Variants in ROGDI observed in about 807,000 individuals in gnomAD.
ROGDI encodes protein rogdi homolog.
A neutral mutation model predicts 43.1 loss-of-function variants in ROGDI; 46 were observed. That is an observed-to-expected ratio of 1.07 (90% CI 0.84 to 1.37). The LOEUF (loss-of-function observed/expected upper bound fraction) is 1.37, where lower values mean the gene tolerates loss of function less well. Ranked by LOEUF, ROGDI falls within the 40% of genes most tolerant of loss-of-function variation. ROGDI has a pLI of 0.00. For synonymous variants in ROGDI, 243 were observed against 162.0 expected (o/e 1.50, Z -3.80); for missense variants, 518 against 383.9 (o/e 1.35, Z -2.92).
chr16:4,802,225 G>C (rs1376905961), intron 2 of ROGDI, 157 bp downstream of exon 2: 1 of 704,080 alleles, frequency 1.4e-6, no homozygotes, highest in East Asian at 2.9e-5. Context: ...CTTATATAAT[G>C]AGGTCGGCTC....
chr16:4,798,090 A>C lies in ROGDI; in HGVS notation c.626T>G (p.Leu209Arg), dbSNP rs753630797. ...CCTCACCTTGGTGGAGTTGGGCTGC[A>C]GGGCATGCAGCTGGTACACCGTGAG... is the stretch of plus-strand genomic sequence containing the variant. ...LCLTVYQLHA[L>R]QPNSTKNFRP... Residue 209 changes from leucine to arginine, a missense_variant, in exon 8 of 11, where the codon CTG becomes CGG. Transcript: ENST00000322048. The C allele has an allele frequency of 6.2e-7, 1 of 1,613,968 alleles. No individual in the cohort carries two copies. The highest frequency in any genetic ancestry group is 8.5e-7 in the Non-Finnish European group (1 of 1,179,906).
Position 4,798,556 on chromosome 16 carries a change from C to T in ROGDI, c.531+13G>A, listed in dbSNP as rs756641383. ...ACCCCTCTCCTGCAGCAGGGGCTGG[C>T]AGGGGCACTGACCGTGAGGCCGCTG... On this transcript the variant is annotated intron_variant, in intron 7 of 10. Coordinates refer to ENST00000322048, the MANE Select transcript of ROGDI (RefSeq NM_024589.3). The T allele has an allele frequency of 9.7e-6, 15 of 1,538,602 alleles. No homozygotes were observed. The highest frequency in any genetic ancestry group is 8.2e-5 in the Admixed American group (4 of 48,750).
chr16:4,799,146 C>G (rs149743055), intron 6 of ROGDI, among the ~76,000 whole-genome samples: 1 of 152,124 alleles, frequency 6.6e-6, no homozygotes, highest in Non-Finnish European at 1.5e-5. Flanking sequence ...CTGGCAGACT[C>G]CTCAGAGCCC....
At chr16:4,802,000 G>C (rs976877191) in intron 2 of ROGDI, 2 of 578,422 alleles carry the variant, frequency 3.5e-6, no homozygotes, top group Non-Finnish European at 3.3e-6. Context: ...CTCGCGAAGC[G>C]GGTACTGTTA....
rs192083183 is a variant in ROGDI at position 4,798,912 on chromosome 16, G to A, written c.433-245C>T. The A allele has an allele frequency of 4.1e-5, 22 of 534,886 alleles. No individual in the cohort carries two copies. In the African/African-American group the frequency reaches 4.1e-4, roughly 10 times the overall value. 33.1% of individuals were successfully genotyped at this position (534,886 alleles called of 1,614,324 possible). ...CACTGCACGGGGATCCTGGGTGCTG[G>A]ATCAATGGGGAATGGAAGGTCCTGG... On this transcript the variant is annotated intron_variant, in intron 6 of 10. Coordinates refer to ENST00000322048, the MANE Select transcript of ROGDI (RefSeq NM_024589.3).
In ROGDI at chr16:4,797,391, G is replaced by A. The variant is rs771338314; in HGVS notation, c.*69C>T. 11 of 1,446,590 alleles carry A rather than the reference G, an allele frequency of 7.6e-6. No homozygotes were observed. In the South Asian group the frequency reaches 8.6e-5, roughly 11 times the overall value. The allele number at this position is 1,446,590 out of a possible 1,614,324, so 89.6% of individuals were successfully genotyped here. On this transcript the variant is annotated 3_prime_UTR_variant, in exon 11 of 11. Coordinates refer to ENST00000322048, the MANE Select transcript of ROGDI (RefSeq NM_024589.3). The stretch of plus-strand genomic sequence containing the variant: ...TAGCAGCCTGGCGTTGGCACTGGCT[G>A]GTGCTCTGTGGTGGGTATGAGTAGG...
chr16:4,797,851 TGA>T lies in ROGDI; in HGVS notation c.696-13_696-12del. ...TGAGAGCCCCACTCGCTGTGGGCAG[TGA>T]GAGGGTCCCTGAGGAGGGTCCCGGC... On this transcript the variant is annotated splice_polypyrimidine_tract_variant and intron_variant, in intron 9 of 10. Transcript: ENST00000322048. 1 of 1,610,478 alleles carries T rather than the reference TGA, an allele frequency of 6.2e-7. No homozygotes were observed. Among genetic ancestry groups the T allele is most frequent in the Non-Finnish European group, 8.5e-7 (1 of 1,179,496 alleles).
Position 4,798,125 on chromosome 16 carries a change from G to A in ROGDI, c.591C>T (p.Asn197=), listed in dbSNP as rs551129970. The change falls in exon 8 of 11, where the codon AAC becomes AAT. Residue 197 remains asparagine (N), a synonymous_variant. Coordinates refer to ENST00000322048, the MANE Select transcript of ROGDI (RefSeq NM_024589.3). The part of the protein sequence containing the change: ...DLLVNVYINL[N]KLCLTVYQLH... ...GCTGGTACACCGTGAGGCAGAGCTT[G>A]TTGAGGTTGATGTAGACGTTGACCA... 2 of 1,614,062 alleles carry A rather than the reference G, an allele frequency of 1.2e-6. No homozygotes were observed. The highest frequency in any genetic ancestry group is 2.2e-5 in the South Asian group (2 of 91,090).
chr16:4,799,881 C>T (rs2082696073), intron 5 of ROGDI, 100 bp from the exon 6 acceptor site: 7 of 819,580 alleles, frequency 8.5e-6, no homozygotes, highest in Middle Eastern at 4.6e-4. Flanking sequence ...CCACTCTCCA[C>T]ACTGTCATCC....
In ROGDI at chr16:4,801,319, G is replaced by A. The variant is rs1180645120; in HGVS notation, c.203C>T (p.Thr68Ile). Residue 68 changes from threonine (T) to isoleucine (I), a missense_variant and splice_region_variant, in exon 4 of 11, where the codon ACA becomes ATA. Physicochemically the swap from Thr to Ile is moderately conservative, Grantham distance 89. Transcript: ENST00000322048. ...QENFILGSCG[T>I]DQVKGVLTLQ... ...AGTCAGCACACCCTTCACCTGGTCT[G>A]TGCTGTAACATGTGGCGTCAGAGCG... 6.2e-7 allele frequency: 1 copy of A among 1,606,136 alleles called. No individual in the cohort carries two copies. The highest frequency in any genetic ancestry group is 8.5e-7 in the Non-Finnish European group (1 of 1,174,346).
At chr16:4,800,445 CCTG>C (rs2082700986) in intron 5 of ROGDI, 50 bp downstream of exon 5, 1 of 1,436,410 alleles carries the variant, frequency 7.0e-7, no homozygotes, top group African/African-American at 1.4e-5. Flanking sequence ...CCGCGGCAGG[CCTG>C]CTGCCGCCTG....
rs751803408 is a variant in ROGDI, at chr16:4,798,530, G to A, written c.531+39C>T. 5 of 1,468,664 alleles carry A rather than the reference G, an allele frequency of 3.4e-6. No individual in the cohort carries two copies. In the East Asian group the frequency reaches 1.2e-4, roughly 35 times the overall value. The allele number at this position is 1,468,664 out of a possible 1,614,324, so 91.0% of individuals were successfully genotyped here. On this transcript the variant is annotated intron_variant, in intron 7 of 10. Coordinates refer to ENST00000322048, the MANE Select transcript of ROGDI (RefSeq NM_024589.3). Reference sequence around the variant, plus strand: ...GAGGGCAAGCTGGGACCCACTGTGGGACCCCTCTCCTGCAGCAGGGGCTGG... The same window carrying A: ...GAGGGCAAGCTGGGACCCACTGTGGAACCCCTCTCCTGCAGCAGGGGCTGG...
chr16:4,799,530 C>T (rs1354184285), intron 6 of ROGDI, among the ~76,000 whole-genome samples, 156 bp downstream of exon 6: 3 of 152,126 alleles, frequency 2.0e-5, no homozygotes, highest in Non-Finnish European at 4.4e-5. Flanking sequence ...CCAGCTTGCC[C>T]CTGACCCCAC....
chr16:4,802,164 A>G (rs963408653), intron 2 of ROGDI: 3 of 653,158 alleles, frequency 4.6e-6, no homozygotes, highest in South Asian at 1.5e-5. Context: ...GGCGGGACTC[A>G]GGCCCTTGCT....
chr16:4,801,986 C>T (rs1015783664), intron 2 of ROGDI: 2 of 579,644 alleles, frequency 3.5e-6, no homozygotes, highest in South Asian at 3.1e-5. Context: ...ATCTACACCC[C>T]AGCCTCGCGA....
At chr16:4,798,028 G>A (rs372237238) in intron 8 of ROGDI, 41 bp from the exon 9 acceptor site, 33 of 1,613,268 alleles carry the variant, frequency 2.0e-5, no homozygotes, top group Non-Finnish European at 2.6e-5. Flanking sequence ...CTTGCAGGGC[G>A]TGTGCATGGC....
In ROGDI at chr16:4,801,901, T is replaced by C. The variant is rs767772960; in HGVS notation, c.118-316A>G. 1.2e-5 allele frequency: 7 copies of C among 565,806 alleles called. No individual in the cohort carries two copies. The Admixed American group carries it at 1.3e-4, about 10-fold the overall frequency. 35.0% of individuals were successfully genotyped at this position (565,806 alleles called of 1,614,324 possible). On this transcript the variant is annotated intron_variant, in intron 2 of 10. Coordinates refer to ENST00000322048, the MANE Select transcript of ROGDI (RefSeq NM_024589.3). Reference sequence around the variant, plus strand: ...GGGGCAGAGTCAGGGAACAAGGCAGTAGTTATGGTAACCCGCGGTCCTGGG... The same window carrying C: ...GGGGCAGAGTCAGGGAACAAGGCAGCAGTTATGGTAACCCGCGGTCCTGGG...
intron 4 of ROGDI, chr16:4,800,996 G>C: frequency 2.0e-6 from 1 of 510,950 alleles, no homozygotes; most frequent in South Asian, 3.0e-5. Context: ...GTGATGTGTG[G>C]CCAGCCTAAT....
rs779461181 is a variant in ROGDI, at chr16:4,797,773, T to A, written c.763A>T (p.Asn255Tyr). The change falls in exon 10 of 11, where the codon AAC becomes TAC. Residue 255 changes from asparagine (N) to tyrosine (Y), a missense_variant. Coordinates refer to ENST00000322048, the MANE Select transcript of ROGDI (RefSeq NM_024589.3). ...HKVECVIPWL[N>Y]DALVYFTVSL... ...ACGGTGAAGTAGACCAGGGCGTCGT[T>A]GAGCCAGGGGATCACGCACTCCACT... 1 of 1,613,662 alleles carries A rather than the reference T, an allele frequency of 6.2e-7. No individual in the cohort carries two copies. Among genetic ancestry groups the A allele is most frequent in the African/African-American group, 1.3e-5 (1 of 74,876 alleles).
Sources: gnomAD v4.1 joint callset for allele counts (sites outside exome capture counted in the v4.1 genomes callset) on GRCh38, gnomAD v4.1.1 for gene constraint, MANE v1.5 for transcripts, NCBI Gene and HGNC (gene_info 2026-07-23, HGNC 2026-07-21) for gene names.